The following SHISA9 variants were observed in gnomAD, a reference collection of about 807,000 sequenced individuals.
SHISA9 encodes protein shisa-9.
In SHISA9, 13 loss-of-function variants were observed where a neutral mutation model predicts 38.0. The observed-to-expected ratio is 0.34, with a 90% CI of 0.22 to 0.54. SHISA9 has a LOEUF of 0.54. Ranked by LOEUF, SHISA9 falls within the 20% of genes least tolerant of loss-of-function variation. The probability of loss-of-function intolerance (pLI) is 0.91; values close to 1 mark genes in which losing one functional copy is unlikely to be tolerated. For synonymous variants in SHISA9, 275 were observed against 242.0 expected, an observed-to-expected ratio of 1.14 and a Z score of -1.27; for missense variants, 538 against 575.8, an observed-to-expected ratio of 0.93 and a Z score of 0.67.
At chr16:13,538,649 A>G in the SHISA9 span, among the ~76,000 whole-genome samples, 1 of 152,332 alleles carries the variant, frequency 6.6e-6, no homozygotes, top group South Asian at 2.1e-4. Context: ...CAGAGAAACC[A>G]AGAAACAAGA....
intron 2 of SHISA9, among the ~76,000 whole-genome samples, chr16:13,113,613 A>G (rs905575045): frequency 1.3e-5 from 2 of 152,208 alleles, no homozygotes; most frequent in African/African-American, 2.4e-5. Flanking sequence ...TATTGCGTCC[A>G]ATACAAAGGA....
At chr16:13,482,415 C>T in the SHISA9 span, among the ~76,000 whole-genome samples, 1 of 152,212 alleles carries the variant, frequency 6.6e-6, no homozygotes, top group Non-Finnish European at 1.5e-5. Context: ...ATGTGGGTTT[C>T]CTTAAATCCT....
rs112814657 is a variant in SHISA9, at chr16:12,906,486, G to A, written c.563+3859G>A. The stretch of plus-strand genomic sequence containing the variant: ...TGGGGGGAGGCTCGCATGGGATCTC[G>A]TAAGAACCGAACAAATGCCCATTGA... On this transcript the variant is annotated intron_variant, in intron 1 of 4. Coordinates refer to ENST00000558583, the MANE Select transcript of SHISA9 (RefSeq NM_001145204.3). 5.7e-3 allele frequency among the ~76,000 whole-genome samples: 865 copies of A among 152,176 alleles called. 8 individuals are homozygous for A. The highest frequency in any genetic ancestry group is 0.02 in the African/African-American group (830 of 41,502).
chr16:13,042,305 G>A (rs1039268892), intron 2 of SHISA9, among the ~76,000 whole-genome samples: 6 of 152,182 alleles, frequency 3.9e-5, no homozygotes, highest in Non-Finnish European at 8.8e-5. Flanking sequence ...AACCATGCTT[G>A]TGGCTTCTTT....
chr16:13,336,198 C>A, the SHISA9 span, among the ~76,000 whole-genome samples: 2 of 152,150 alleles, frequency 1.3e-5, no homozygotes, highest in Non-Finnish European at 2.9e-5. Flanking sequence ...CTCACCAGAA[C>A]CAATTTTCTC....
At chr16:13,286,176 A>T in the SHISA9 span, among the ~76,000 whole-genome samples, 1 of 152,098 alleles carries the variant, frequency 6.6e-6, no homozygotes, top group Admixed American at 6.5e-5. Flanking sequence ...TTCATCTTAC[A>T]TCTATTGATT....
At chr16:13,432,678 A>G in the SHISA9 span, among the ~76,000 whole-genome samples, 2 of 152,216 alleles carry the variant, frequency 1.3e-5, no homozygotes, top group Non-Finnish European at 2.9e-5. Context: ...TGAAAGGCAT[A>G]TAAGTGATTA....
chr16:13,388,690 T>G, the SHISA9 span, among the ~76,000 whole-genome samples: 15 of 152,166 alleles, frequency 9.9e-5, no homozygotes, highest in Non-Finnish European at 1.9e-4. Flanking sequence ...GTAGCCTTTC[T>G]GAGCCTAAGT....
At chr16:13,110,709 C>G (rs1427309025) in intron 2 of SHISA9, among the ~76,000 whole-genome samples, 1 of 152,194 alleles carries the variant, frequency 6.6e-6, no homozygotes, top group Non-Finnish European at 1.5e-5. Context: ...AAGGGAGAGT[C>G]TGTGATTGTA....
the SHISA9 span, among the ~76,000 whole-genome samples, chr16:13,457,162 C>G: frequency 1.0e-3 from 154 of 152,268 alleles, 1 homozygote; most frequent in African/African-American, 3.6e-3. Context: ...CAAAATTAGC[C>G]AGGTGTGGTG....
intron 2 of SHISA9, among the ~76,000 whole-genome samples, chr16:12,925,428 A>G (rs1408516465): frequency 1.0e-5 from 1 of 95,930 alleles, no homozygotes; most frequent in African/African-American, 3.3e-5. Context: ...GCACCCAGAA[A>G]ATGAGATTGT....
intron 2 of SHISA9, among the ~76,000 whole-genome samples, chr16:13,146,987 A>C (rs1435937255): frequency 1.3e-5 from 2 of 152,146 alleles, no homozygotes; most frequent in Non-Finnish European, 2.9e-5. Context: ...GAATCTATCA[A>C]TTGCTCAACA....
chr16:12,980,239 C>T (rs2072223059), intron 2 of SHISA9, among the ~76,000 whole-genome samples: 1 of 152,156 alleles, frequency 6.6e-6, no homozygotes, highest in African/African-American at 2.4e-5. Context: ...TGTCTCTCCT[C>T]TTATTCGTGT....
intron 2 of SHISA9, among the ~76,000 whole-genome samples, chr16:13,111,171 A>G (rs1351434398): frequency 6.6e-6 from 1 of 152,210 alleles, no homozygotes; most frequent in East Asian, 1.9e-4. Context: ...AAGCAATGGC[A>G]ACAAAAGCCA....
At chr16:13,118,516 C>A (rs1208826510) in intron 2 of SHISA9, among the ~76,000 whole-genome samples, 1 of 152,074 alleles carries the variant, frequency 6.6e-6, no homozygotes, top group African/African-American at 2.4e-5. Context: ...AACAGTGCTT[C>A]CCAAAAGGTG....
At chr16:12,932,825 G>A (rs1394889158) in intron 2 of SHISA9, among the ~76,000 whole-genome samples, 1 of 152,206 alleles carries the variant, frequency 6.6e-6, no homozygotes, top group Admixed American at 6.5e-5. Context: ...CTGCAGTGGA[G>A]TGTTGAAGAT....
chr16:13,458,874 GT>G, the SHISA9 span, among the ~76,000 whole-genome samples: 2 of 146,896 alleles, frequency 1.4e-5, no homozygotes, highest in East Asian at 2.0e-4. Context: ...TTTGTTTTTT[GT>G]TTTTTTTTTA....
chr16:12,970,497 A>ATT lies in SHISA9; in HGVS notation c.691+53712_691+53713dup, dbSNP rs146879130. Among the ~76,000 whole-genome samples, 31 of 17,578 alleles carry ATT rather than the reference A, an allele frequency of 1.8e-3. 1 individual carries two copies. The highest frequency in any genetic ancestry group is 2.4e-3 in the African/African-American group (10 of 4,096). 11.5% of individuals were successfully genotyped at this position (17,578 alleles called of 152,430 possible). The stretch of plus-strand genomic sequence containing the variant: ...TATATATATATATATATATATATAT[A>ATT]TTTTTTTTTTTTTTTTTTTTTTTTT... On this transcript the variant is annotated intron_variant, in intron 2 of 4. Coordinates refer to ENST00000558583, the MANE Select transcript of SHISA9 (RefSeq NM_001145204.3).
At chr16:12,917,042 T>C (rs1451777647) in intron 2 of SHISA9, among the ~76,000 whole-genome samples, 1 of 152,232 alleles carries the variant, frequency 6.6e-6, no homozygotes, top group Non-Finnish European at 1.5e-5. Flanking sequence ...ACATGATTGA[T>C]ACTTTTAGCT....
Sources: allele counts gnomAD v4.1 joint callset (sites outside exome capture counted in the v4.1 genomes callset), GRCh38; gene constraint gnomAD v4.1.1; transcripts MANE v1.5; gene names NCBI Gene and HGNC (gene_info 2026-07-23, HGNC 2026-07-21).